Variants in NDST3 observed in about 807,000 individuals in gnomAD.
NDST3 encodes the protein N-deacetylase and N-sulfotransferase 3.
A neutral mutation model predicts 96.1 loss-of-function variants in NDST3; 58 were observed. The observed-to-expected ratio is 0.60, with a 90% CI of 0.49 to 0.75. The LOEUF (loss-of-function observed/expected upper bound fraction) is 0.75, where lower values mean the gene tolerates loss of function less well. NDST3 is among the 30% of genes least tolerant of loss of function. The pLI is 0.00. For missense variants in NDST3, 788 were observed against 1,034.2 expected, an observed-to-expected ratio of 0.76 and a Z score of 3.27; for synonymous variants, 333 against 359.7, an observed-to-expected ratio of 0.93 and a Z score of 0.84.
At chr4:118,083,458 T>C (rs1218129065) in intron 2 of NDST3, among the ~76,000 whole-genome samples, 1 of 152,160 alleles carries the variant, frequency 6.6e-6, no homozygotes, top group Admixed American at 6.5e-5. Context: ...ATTCATTAAG[T>C]GTTCATTTCT....
Position 118,114,680 on chromosome 4 carries a change from T to C in NDST3, c.1070-126T>C. On this transcript the variant is annotated intron_variant, in intron 3 of 13. Coordinates refer to ENST00000296499, the MANE Select transcript of NDST3 (RefSeq NM_004784.3). ...TGATACATTTGGGTTTAAAGCCTTATACGTAAAACAGAATAAATGATGGCT... is the reference window on the plus strand; with the variant it reads ...TGATACATTTGGGTTTAAAGCCTTACACGTAAAACAGAATAAATGATGGCT... 3 of 1,029,346 alleles carry C rather than the reference T, an allele frequency of 2.9e-6. No individual in the cohort carries two copies. In the East Asian group the frequency reaches 7.7e-5, roughly 27 times the overall value. 63.8% of individuals were successfully genotyped at this position (1,029,346 alleles called of 1,614,324 possible). A position where few individuals can be genotyped will look rare whatever the true frequency, so the allele number is the denominator to read the frequency against.
At chr4:118,062,355 C>A (rs1024390558) in intron 2 of NDST3, among the ~76,000 whole-genome samples, 1 of 152,122 alleles carries the variant, frequency 6.6e-6, no homozygotes, top group Admixed American at 6.6e-5. Context: ...CTGGAAGTCA[C>A]CTAAACATTT....
At chr4:118,161,102 G>A (rs1329485167) in intron 6 of NDST3, among the ~76,000 whole-genome samples, 1 of 152,228 alleles carries the variant, frequency 6.6e-6, no homozygotes, top group Non-Finnish European at 1.5e-5. Context: ...AGGACCCTCA[G>A]CTAGAGGTCT....
chr4:118,132,324 A>G (rs1395025147), intron 4 of NDST3, among the ~76,000 whole-genome samples: 3 of 152,158 alleles, frequency 2.0e-5, no homozygotes, highest in Admixed American at 6.5e-5. Context: ...CAGGGAGAAG[A>G]GCCTCTCCCT....
At chr4:118,133,633 G>C (rs6851494) in intron 4 of NDST3, among the ~76,000 whole-genome samples, 106,013 of 152,108 alleles carry the variant, frequency 0.7, 40,101 homozygotes, top group South Asian at 0.88. Context: ...AAATGGTATA[G>C]GGTTCTATTC....
intron 6 of NDST3, among the ~76,000 whole-genome samples, chr4:118,151,075 A>C (rs1212278723): frequency 6.6e-6 from 1 of 152,164 alleles, no homozygotes; most frequent in African/African-American, 2.4e-5. Context: ...TGATGAGTTC[A>C]TGTCCTTTGT....
intron 6 of NDST3, among the ~76,000 whole-genome samples, chr4:118,189,163 C>G (rs774236268): frequency 6.6e-6 from 1 of 152,138 alleles, no homozygotes; most frequent in Non-Finnish European, 1.5e-5. Context: ...GACCCTCCCA[C>G]CCCAGCTTCC....
intron 2 of NDST3, among the ~76,000 whole-genome samples, chr4:118,085,410 A>AG (rs1338447350): frequency 6.6e-6 from 1 of 152,254 alleles, no homozygotes; most frequent in Non-Finnish European, 1.5e-5. Context: ...AGATATTAAG[A>AG]GAAAAAAAGT....
intron 6 of NDST3, among the ~76,000 whole-genome samples, chr4:118,155,716 G>A (rs1252780118): frequency 6.6e-6 from 1 of 151,986 alleles, no homozygotes; most frequent in Non-Finnish European, 1.5e-5. Context: ...TATGTCATTT[G>A]GTTTACAGTT....
chr4:118,054,417 GA>G lies in NDST3; in HGVS notation c.509del (p.Lys170ArgfsTer8). 3 of 1,613,046 alleles carry G rather than the reference GA, an allele frequency of 1.9e-6. No homozygotes were observed. Among genetic ancestry groups the G allele is most frequent in the Non-Finnish European group, 2.5e-6 (3 of 1,179,422 alleles). ...GVIGFHKTSE[K>X]SVQSFQLKGF... Reference sequence around the variant, plus strand: ...TCATTGGATTCCACAAAACTAGTGAGAAGAGTGTACAGAGCTTTCAGTTAAA... The same window carrying G: ...TCATTGGATTCCACAAAACTAGTGAGAGAGTGTACAGAGCTTTCAGTTAAA... On this transcript the variant is annotated frameshift_variant, in exon 2 of 14. Transcript: ENST00000296499. LOFTEE classifies it high-confidence loss of function.
intron 12 of NDST3, among the ~76,000 whole-genome samples, chr4:118,252,028 G>T (rs1741778717): frequency 6.6e-6 from 1 of 151,932 alleles, no homozygotes; most frequent in Non-Finnish European, 1.5e-5. Context: ...AGATATTTCA[G>T]GTTTTCACAT....
rs188816648 is a variant in NDST3 at position 118,217,880 on chromosome 4, A to G, written c.1540-6611A>G. 2.0e-4 allele frequency among the ~76,000 whole-genome samples: 30 copies of G among 152,288 alleles called. No individual in the cohort carries two copies. The East Asian group carries it at 5.0e-3, about 25-fold the overall frequency. The stretch of plus-strand genomic sequence containing the variant: ...AAGGAGATATCACCACTGACCCCAC[A>G]GAAATAAAAACTATCATCAGAGAAT... On this transcript the variant is annotated intron_variant, in intron 6 of 13. Coordinates refer to ENST00000296499, the MANE Select transcript of NDST3 (RefSeq NM_004784.3).
At chr4:118,181,087 A>C (rs559278656) in intron 6 of NDST3, among the ~76,000 whole-genome samples, 1 of 152,192 alleles carries the variant, frequency 6.6e-6, no homozygotes, top group Admixed American at 6.5e-5. Context: ...AGGGGAACCT[A>C]CTCACGATTC....
chr4:118,105,024 C>G lies in NDST3; in HGVS notation c.988C>G (p.Leu330Val). The change falls in exon 3 of 14, where the codon CTT (leucine) becomes GTT (valine). Residue 330 changes from leucine (L) to valine (V), a missense_variant. By Grantham distance (32) the Leu-to-Val change is conservative. Transcript: ENST00000296499. ...RMNTNDVKAL[L>V]DTQNLLRAQI... is the part of the protein sequence containing the mutation. ...TTTAAATTATGTATTTCAGGCCCTG[C>G]TTGATACTCAGAATCTTTTGCGTGC... 6.2e-7 allele frequency: 1 copy of G among 1,612,856 alleles called. No homozygotes were observed. Among genetic ancestry groups the G allele is most frequent in the Non-Finnish European group, 8.5e-7 (1 of 1,179,294 alleles).
chr4:118,235,326 T>G (rs35876590), intron 9 of NDST3, among the ~76,000 whole-genome samples: 6,622 of 152,218 alleles, frequency 0.044, 217 homozygotes, highest in Non-Finnish European at 0.069. Flanking sequence ...TATGAACCTT[T>G]TATTTACTTC....
At chr4:118,238,278 G>A (rs372040283) in intron 10 of NDST3, among the ~76,000 whole-genome samples, 177 of 152,222 alleles carry the variant, frequency 1.2e-3, no homozygotes, top group African/African-American at 4.0e-3. Context: ...AGCCTAACAT[G>A]TCTAAATGTT....
intron 6 of NDST3, among the ~76,000 whole-genome samples, chr4:118,182,031 C>T (rs1389845805): frequency 6.6e-6 from 1 of 152,142 alleles, no homozygotes; most frequent in Non-Finnish European, 1.5e-5. Context: ...TCCAGAGCCA[C>T]TTCCCAAAGA....
intron 2 of NDST3, among the ~76,000 whole-genome samples, chr4:118,090,470 G>T (rs558018798): frequency 7.9e-5 from 12 of 151,924 alleles, no homozygotes; most frequent in African/African-American, 2.9e-4. Context: ...ATAATTGGCT[G>T]GGAGTTCTTT....
intron 12 of NDST3, among the ~76,000 whole-genome samples, chr4:118,249,451 A>G (rs959192433): frequency 2.6e-5 from 4 of 152,208 alleles, no homozygotes; most frequent in Non-Finnish European, 1.5e-5. Flanking sequence ...TACAGTCTTT[A>G]TTAATGATCT....
Sources: allele counts gnomAD v4.1 joint callset (sites outside exome capture counted in the v4.1 genomes callset), GRCh38; gene constraint gnomAD v4.1.1; transcripts MANE v1.5; gene names NCBI Gene and HGNC (gene_info 2026-07-23, HGNC 2026-07-21).